TRHDE: variants seen among roughly 807,000 people sequenced by gnomAD.
The protein encoded by TRHDE is thyrotropin-releasing hormone-degrading ectoenzyme.
A neutral mutation model predicts 125.7 loss-of-function variants in TRHDE; 72 were observed. The ratio of observed to expected loss-of-function variants is 0.57; its 90% CI spans 0.47 to 0.70. TRHDE has a LOEUF of 0.70. Among genes scored for constraint, TRHDE ranks in the 30% least tolerant of loss-of-function variants. TRHDE has a pLI of 0.00. For missense variants in TRHDE, 1,110 were observed against 1,327.1 expected, an observed-to-expected ratio of 0.84 and a Z score of 2.54; for synonymous variants, 509 against 509.1, an observed-to-expected ratio of 1.00 and a Z score of 0.00.
At chr12:72,425,913 G>A (rs902815190) in intron 3 of TRHDE, among the ~76,000 whole-genome samples, 2 of 150,666 alleles carry the variant, frequency 1.3e-5, no homozygotes, top group African/African-American at 4.8e-5. Flanking sequence ...AGAACTATTG[G>A]AGTTGCCAAA....
chr12:72,507,081 C>T (rs1948562730), intron 6 of TRHDE, among the ~76,000 whole-genome samples: 1 of 152,146 alleles, frequency 6.6e-6, no homozygotes, highest in Non-Finnish European at 1.5e-5. Context: ...CTTTGCCTTC[C>T]ACTGTGTTTG....
chr12:72,096,983 T>C (rs1003422731), intron 1 of TRHDE, among the ~76,000 whole-genome samples: 1 of 152,180 alleles, frequency 6.6e-6, no homozygotes, highest in Non-Finnish European at 1.5e-5. Flanking sequence ...TAACCCTTAT[T>C]GGCCAATTCG....
intron 3 of TRHDE, among the ~76,000 whole-genome samples, chr12:72,463,705 A>G (rs1157020181): frequency 6.6e-6 from 1 of 152,202 alleles, no homozygotes; most frequent in African/African-American, 2.4e-5. Flanking sequence ...TGGACTGATT[A>G]TCATGACCTG....
chr12:72,555,378 T>A (rs1869871765), intron 7 of TRHDE, among the ~76,000 whole-genome samples: 1 of 152,172 alleles, frequency 6.6e-6, no homozygotes, highest in African/African-American at 2.4e-5. Flanking sequence ...TCATGTCCAG[T>A]GGCTTGAACT....
chr12:72,387,578 A>G (rs1188586642), intron 3 of TRHDE, among the ~76,000 whole-genome samples: 1 of 152,140 alleles, frequency 6.6e-6, no homozygotes, highest in Non-Finnish European at 1.5e-5. Context: ...CAAACATTTC[A>G]ATGGCTTCCC....
intron 3 of TRHDE, among the ~76,000 whole-genome samples, chr12:72,418,720 A>G (rs903837376): frequency 3.3e-5 from 5 of 152,154 alleles, no homozygotes; most frequent in African/African-American, 1.2e-4. Flanking sequence ...CCTCACACCA[A>G]TAATTGGAAA....
chr12:72,121,791 G>T (rs1412919825), intron 2 of TRHDE, among the ~76,000 whole-genome samples: 1 of 149,338 alleles, frequency 6.7e-6, no homozygotes, highest in Non-Finnish European at 1.5e-5. Context: ...AACAATTGGT[G>T]GTGGCTTCTG....
chr12:72,296,112 C>A (rs902868695), intron 2 of TRHDE, among the ~76,000 whole-genome samples: 1 of 152,156 alleles, frequency 6.6e-6, no homozygotes, highest in Non-Finnish European at 1.5e-5. Context: ...GTAAGATCTG[C>A]AGTTCATGTT....
intron 9 of TRHDE, among the ~76,000 whole-genome samples, chr12:72,563,280 T>C (rs971268904): frequency 6.6e-6 from 1 of 152,170 alleles, no homozygotes; most frequent in Non-Finnish European, 1.5e-5. Context: ...TAAATAATCA[T>C]GGTGGTTAAA....
At chr12:72,421,286 A>T (rs1424379353) in intron 3 of TRHDE, among the ~76,000 whole-genome samples, 4 of 152,104 alleles carry the variant, frequency 2.6e-5, no homozygotes, top group Non-Finnish European at 5.9e-5. Flanking sequence ...CTAGGGCTGG[A>T]GGTGACTCTT....
At position 72,314,357 on chromosome 12, in the gene TRHDE, T is replaced by A. The variant is rs544672656; in HGVS notation, c.1188+27403T>A. ...CCTCCCTTCCTTCCTTCTTTTTTTT[T>A]AAAAAAAGAAAAGAAACCTTATAAA... is the stretch of plus-strand genomic sequence containing the variant. On this transcript the variant is annotated intron_variant, in intron 2 of 18. Transcript: ENST00000261180. Among the ~76,000 whole-genome samples the A allele has an allele frequency of 1.7e-4, 25 of 151,148 alleles. No homozygotes were observed. The South Asian group carries it at 1.7e-3, about 10-fold the overall frequency.
chr12:72,618,830 T>G (rs1872925918), intron 12 of TRHDE, 61 bp from the exon 13 acceptor site: 8 of 1,367,952 alleles, frequency 5.8e-6, no homozygotes, highest in Non-Finnish European at 7.7e-6. Flanking sequence ...GTCTTTTATT[T>G]GCGTAAGTAA....
chr12:72,332,208 G>A (rs916344235), intron 2 of TRHDE, among the ~76,000 whole-genome samples: 8 of 152,086 alleles, frequency 5.3e-5, no homozygotes, highest in African/African-American at 1.7e-4. Flanking sequence ...CCACGATCTC[G>A]GCTCACTGCA....
At chr12:72,654,386 C>T (rs1484820732) in intron 17 of TRHDE, among the ~76,000 whole-genome samples, 1 of 152,118 alleles carries the variant, frequency 6.6e-6, no homozygotes, top group African/African-American at 2.4e-5. Context: ...GGCTCCTGCT[C>T]CTCTGTCGAT....
intron 3 of TRHDE, among the ~76,000 whole-genome samples, chr12:72,385,235 A>C (rs1872361021): frequency 6.6e-6 from 1 of 151,668 alleles, no homozygotes. Flanking sequence ...CTTCAACAAG[A>C]GCTCTTCAAA....
chr12:72,562,036 A>G, intron 7 of TRHDE, 129 bp from the exon 8 acceptor site: 1 of 506,778 alleles, frequency 2.0e-6, no homozygotes. Context: ...AAATGAGATT[A>G]TTTATCTTTT....
chr12:72,232,157 AC>A (rs1878259406), intron 2 of TRHDE, among the ~76,000 whole-genome samples: 2 of 152,206 alleles, frequency 1.3e-5, no homozygotes, highest in Admixed American at 1.3e-4. Context: ...ATGCAGGGCA[AC>A]ATGGGAAGTG....
At chr12:72,424,972 TA>T (rs1217536965) in intron 3 of TRHDE, among the ~76,000 whole-genome samples, 1 of 152,126 alleles carries the variant, frequency 6.6e-6, no homozygotes, top group African/African-American at 2.4e-5. Flanking sequence ...AAAAGTCCTT[TA>T]AAAATGTGCT....
chr12:72,393,763 T>C (rs1872691123), intron 3 of TRHDE, among the ~76,000 whole-genome samples: 2 of 152,194 alleles, frequency 1.3e-5, no homozygotes, highest in Non-Finnish European at 2.9e-5. Context: ...GTACAGAGCC[T>C]AGAGAATAAA....
Sources: gnomAD v4.1 joint callset for allele counts (sites outside exome capture counted in the v4.1 genomes callset) on GRCh38, gnomAD v4.1.1 for gene constraint, MANE v1.5 for transcripts, NCBI Gene and HGNC (gene_info 2026-07-23, HGNC 2026-07-21) for gene names.